TMEM245: variants seen among roughly 807,000 people sequenced by gnomAD.
TMEM245 encodes the protein transmembrane protein 245, also known as protein CG-2.
TMEM245 carries 69 observed loss-of-function variants against 101.2 expected under a neutral mutation model. The observed-to-expected ratio is 0.68, with a 90% confidence interval of 0.56 to 0.83. The LOEUF is 0.83. Ranked by LOEUF, TMEM245 falls within the 40% of genes least tolerant of loss-of-function variation. The pLI is 0.00. For missense variants in TMEM245, 1,075 were observed against 1,092.8 expected, an observed-to-expected ratio of 0.98 and a Z score of 0.23; for synonymous variants, 537 against 449.8, an observed-to-expected ratio of 1.19 and a Z score of -2.45.
intron 17 of TMEM245, 149 bp from the exon 18 acceptor site, chr9:109,020,654 C>T: frequency 1.4e-6 from 1 of 713,862 alleles, no homozygotes; most frequent in Non-Finnish European, 2.3e-6. Flanking sequence ...CTAGTTGTTG[C>T]TCATTCTCAT....
intron 16 of TMEM245, among the ~76,000 whole-genome samples, chr9:109,035,738 C>A (rs1828097337): frequency 6.6e-6 from 1 of 151,656 alleles, no homozygotes; most frequent in African/African-American, 2.4e-5. Context: ...TGGTTTTAAC[C>A]CAGGACATCA....
At chr9:109,056,774 G>T (rs1372607742) in intron 12 of TMEM245, among the ~76,000 whole-genome samples, 4 of 152,222 alleles carry the variant, frequency 2.6e-5, no homozygotes, top group Admixed American at 1.3e-4. Context: ...AGGAGCAGTA[G>T]TTAGCACTTA....
chr9:109,080,149 G>A (rs951294152), intron 8 of TMEM245, among the ~76,000 whole-genome samples: 1 of 152,048 alleles, frequency 6.6e-6, no homozygotes, highest in Non-Finnish European at 1.5e-5. Flanking sequence ...TTGTATCCAT[G>A]ATTTCACATA....
At chr9:109,056,158 T>C (rs1013431067) in intron 12 of TMEM245, among the ~76,000 whole-genome samples, 6 of 151,948 alleles carry the variant, frequency 3.9e-5, no homozygotes, top group Admixed American at 1.3e-4. Flanking sequence ...CAGAGGTAAA[T>C]ACCCAGGGAA....
chr9:109,042,924 C>T (rs1828361381), intron 14 of TMEM245, among the ~76,000 whole-genome samples: 1 of 143,714 alleles, frequency 7.0e-6, no homozygotes, highest in Non-Finnish European at 1.5e-5. Context: ...TGGCTCATTG[C>T]AACCTCCACC....
In TMEM245 at chr9:109,016,384, T is replaced by C. The variant is rs1247841750; in HGVS notation, c.*4076A>G. On this transcript the variant is annotated 3_prime_UTR_variant, in exon 18 of 18. Transcript: ENST00000374586. ...CATTTTGCCAAAAGCTGCTCAACCA[T>C]GAAGAAAAGGAAAGAGAAGTAGAAC... 3 of 151,700 alleles carry C rather than the reference T, an allele frequency of 2.0e-5. No individual in the cohort carries two copies. Among genetic ancestry groups the C allele is most frequent in the East Asian group, 1.9e-4 (1 of 5,176 alleles). 9.4% of individuals were successfully genotyped at this position (151,700 alleles called of 1,614,324 possible). A position where few individuals can be genotyped will look rare whatever the true frequency, so the allele number is the denominator to read the frequency against.
chr9:109,073,953 C>T (rs1032437261), intron 8 of TMEM245, among the ~76,000 whole-genome samples: 1 of 151,736 alleles, frequency 6.6e-6, no homozygotes, highest in Admixed American at 6.6e-5. Flanking sequence ...CTCCACCCCC[C>T]ACGTTCAAGC....
chr9:109,091,296 A>G, intron 4 of TMEM245, 141 bp from the exon 5 acceptor site: 1 of 664,470 alleles, frequency 1.5e-6, no homozygotes. Flanking sequence ...AAAAAAGACA[A>G]AAATATTTGG....
Position 109,020,312 on chromosome 9 carries a change from A to C in TMEM245, c.*148T>G, listed in dbSNP as rs1433531447. 1 of 793,984 alleles carries C rather than the reference A, an allele frequency of 1.3e-6. No homozygotes were observed. Among genetic ancestry groups the C allele is most frequent in the East Asian group, 2.5e-5 (1 of 40,746 alleles). The allele number at this position is 793,984 out of a possible 1,614,324, so 49.2% of individuals were successfully genotyped here. On this transcript the variant is annotated 3_prime_UTR_variant, in exon 18 of 18. Coordinates refer to ENST00000374586, the MANE Select transcript of TMEM245 (RefSeq NM_032012.4). ...GCCCGCAGCAAGTTCTCTCTTGTCC[A>C]GGCATTCTGTATGTAAGGCCAGGAG...
chr9:109,070,731 A>G (rs145620105), intron 9 of TMEM245, among the ~76,000 whole-genome samples: 12 of 152,254 alleles, frequency 7.9e-5, no homozygotes, highest in South Asian at 6.2e-4. Context: ...CCTTGCACCT[A>G]TATGTATGTC....
At chr9:109,078,102 TTTTAA>T (rs1320473620) in intron 8 of TMEM245, among the ~76,000 whole-genome samples, 2 of 152,224 alleles carry the variant, frequency 1.3e-5, no homozygotes, top group South Asian at 2.1e-4. Context: ...TTATCTCATC[TTTTAA>T]TTTATCATAA....
intron 7 of TMEM245, among the ~76,000 whole-genome samples, chr9:109,085,240 G>C (rs148837844): frequency 0.011 from 1,751 of 152,274 alleles, 14 homozygotes; most frequent in South Asian, 0.031. Flanking sequence ...TGGGTAGTTA[G>C]GACTACAAGT....
chr9:109,068,509 T>C (rs972036212), intron 9 of TMEM245, among the ~76,000 whole-genome samples: 2 of 151,700 alleles, frequency 1.3e-5, no homozygotes, highest in Non-Finnish European at 2.9e-5. Context: ...GGCATGGTAG[T>C]GCGTACATGA....
chr9:109,119,431 G>T lies in TMEM245; in HGVS notation c.483C>A (p.Gly161=). The T allele has an allele frequency of 6.6e-7, 1 of 1,521,166 alleles. No homozygotes were observed. 94.2% of individuals were successfully genotyped at this position (1,521,166 alleles called of 1,614,324 possible). Residue 161 remains glycine, a synonymous_variant, in exon 1 of 18, where the codon GGC becomes GGA. Coordinates refer to ENST00000374586, the MANE Select transcript of TMEM245 (RefSeq NM_032012.4). Reference sequence around the variant, plus strand: ...CCAAGTAGCTGCCGAGGCAGTAGAGGCCGTACAGGAGCGGGCCGCCGGCGC... The same window carrying T: ...CCAAGTAGCTGCCGAGGCAGTAGAGTCCGTACAGGAGCGGGCCGCCGGCGC... ...LLGAGGPLLY[G]LYCLGSYLGV...
chr9:109,037,346 A>G (rs762972962), intron 15 of TMEM245, among the ~76,000 whole-genome samples: 1 of 152,214 alleles, frequency 6.6e-6, no homozygotes, highest in Non-Finnish European at 1.5e-5. Context: ...CCTAGGTGTT[A>G]TGCTAAGTGC....
At chr9:109,104,175 A>T (rs937822702) in intron 3 of TMEM245, among the ~76,000 whole-genome samples, 2 of 152,176 alleles carry the variant, frequency 1.3e-5, no homozygotes, top group African/African-American at 2.4e-5. Context: ...TGTATATTTT[A>T]AAATAACTAA....
intron 4 of TMEM245, among the ~76,000 whole-genome samples, chr9:109,091,950 T>C (rs1439526999): frequency 6.6e-6 from 1 of 152,184 alleles, no homozygotes; most frequent in East Asian, 1.9e-4. Context: ...AAATGTTAAT[T>C]ACAAAAGTAT....
intron 12 of TMEM245, among the ~76,000 whole-genome samples, chr9:109,051,943 C>G (rs1235611813): frequency 6.6e-6 from 1 of 152,076 alleles, no homozygotes; most frequent in Non-Finnish European, 1.5e-5. Context: ...TGCTCTGAGG[C>G]CAAAAATCTT....
intron 1 of TMEM245, among the ~76,000 whole-genome samples, chr9:109,116,960 T>C (rs879053638): frequency 6.6e-6 from 1 of 152,188 alleles, no homozygotes; most frequent in Non-Finnish European, 1.5e-5. Flanking sequence ...TAAACTCAGA[T>C]TGACCTGAAG....
Sources: allele counts gnomAD v4.1 joint callset (sites outside exome capture counted in the v4.1 genomes callset), GRCh38; gene constraint gnomAD v4.1.1; transcripts MANE v1.5; gene names NCBI Gene and HGNC (gene_info 2026-07-23, HGNC 2026-07-21).